Variants in GPC5 observed in about 807,000 individuals in gnomAD.
The protein encoded by GPC5 is glypican 5.
GPC5 carries 47 observed loss-of-function variants against 53.9 expected under a neutral mutation model. That is an observed-to-expected ratio of 0.87 (90% CI 0.69 to 1.11). The LOEUF (loss-of-function observed/expected upper bound fraction) is 1.11. Among genes scored for constraint, GPC5 ranks in the 50% most tolerant of loss-of-function variants. The pLI, the probability that GPC5 is intolerant of heterozygous loss-of-function variation, is 0.00. For missense variants in GPC5, 748 were observed against 713.1 expected (o/e 1.05, Z -0.56); for synonymous variants, 286 against 263.3 (o/e 1.09, Z -0.84).
chr13:92,866,344 A>G lies in GPC5; in HGVS notation c.1624A>G (p.Thr542Ala), dbSNP rs187338057. 23 of 1,613,240 alleles carry G rather than the reference A, an allele frequency of 1.4e-5. 1 individual carries two copies. The Middle Eastern group carries it at 2.3e-3, about 162-fold the overall frequency. ...KQIHQTDTGSTLDTTGAGCAV... is the reference protein window; with the variant it reads ...KQIHQTDTGSALDTTGAGCAV... ...AATCCATCAAACAGACACTGGCAGT[A>G]CTTTAGACACAACAGGAGCAGGATG... The change falls in exon 8 of 8, where the codon ACT becomes GCT. Residue 542 changes from threonine to alanine, a missense_variant. Thr to Ala is a moderately conservative substitution (Grantham distance 58, BLOSUM62 0). Coordinates refer to ENST00000377067, the MANE Select transcript of GPC5 (RefSeq NM_004466.6).
At chr13:91,820,489 C>T (rs906712963) in intron 5 of GPC5, among the ~76,000 whole-genome samples, 3 of 152,114 alleles carry the variant, frequency 2.0e-5, no homozygotes, top group African/African-American at 7.2e-5. Flanking sequence ...ACCACCATCC[C>T]ACTACTCTGC....
At chr13:92,250,092 C>G (rs2042681686) in intron 7 of GPC5, among the ~76,000 whole-genome samples, 1 of 151,956 alleles carries the variant, frequency 6.6e-6, no homozygotes, top group African/African-American at 2.4e-5. Context: ...AACTAGTAAT[C>G]AGATTATGAA....
At chr13:91,635,519 A>G (rs1566570495) in intron 2 of GPC5, among the ~76,000 whole-genome samples, 1 of 152,114 alleles carries the variant, frequency 6.6e-6, no homozygotes, top group Non-Finnish European at 1.5e-5. Context: ...TTTCATCATC[A>G]GCATTTTCCT....
At chr13:92,431,320 C>A (rs181818238) in intron 7 of GPC5, among the ~76,000 whole-genome samples, 20 of 148,828 alleles carry the variant, frequency 1.3e-4, no homozygotes, top group Admixed American at 1.2e-3. Context: ...GTAATGATTA[C>A]TACAATTAAG....
intron 1 of GPC5, among the ~76,000 whole-genome samples, chr13:91,447,756 C>A (rs1880905988): frequency 6.6e-6 from 1 of 152,114 alleles, no homozygotes; most frequent in Non-Finnish European, 1.5e-5. Context: ...AATGTGGAAC[C>A]TGTGAAACTC....
At chr13:91,630,835 GT>G (rs1248034131) in intron 2 of GPC5, among the ~76,000 whole-genome samples, 1 of 146,508 alleles carries the variant, frequency 6.8e-6, no homozygotes, top group Admixed American at 6.7e-5. Context: ...TTTTTCTTTT[GT>G]TTTTTTGTTT....
At position 92,132,094 on chromosome 13, in the gene GPC5, G is replaced by A. The variant is rs111485931; in HGVS notation, c.1402-12736G>A. On this transcript the variant is annotated intron_variant, in intron 6 of 7. Coordinates refer to ENST00000377067, the MANE Select transcript of GPC5 (RefSeq NM_004466.6). ...AATAAAATACAGCAATTAAAGAACC[G>A]TTGCTACATCTGTGATGTCACAAAT... is the stretch of plus-strand genomic sequence containing the variant. 4.2e-3 allele frequency among the ~76,000 whole-genome samples: 641 copies of A among 152,154 alleles called. 4 individuals carry two copies. Among genetic ancestry groups the A allele is most frequent in the African/African-American group, 6.1e-3 (254 of 41,508 alleles).
chr13:92,307,717 T>TCC, intron 7 of GPC5, among the ~76,000 whole-genome samples: 1 of 151,500 alleles, frequency 6.6e-6, no homozygotes, highest in Non-Finnish European at 1.5e-5. Flanking sequence ...TCCTGAAAAA[T>TCC]GAATGAGGTA....
At chr13:91,776,111 A>G (rs1024342912) in intron 5 of GPC5, among the ~76,000 whole-genome samples, 3 of 152,170 alleles carry the variant, frequency 2.0e-5, no homozygotes, top group South Asian at 2.1e-4. Flanking sequence ...TCATATATCC[A>G]TGACAGCACC....
intron 7 of GPC5, among the ~76,000 whole-genome samples, chr13:92,307,488 C>T (rs905209107): frequency 1.3e-5 from 2 of 152,150 alleles, no homozygotes; most frequent in East Asian, 1.9e-4. Flanking sequence ...GAAATTTGTT[C>T]TCCTGTAAAA....
chr13:91,443,704 C>A (rs1463615183), intron 1 of GPC5, among the ~76,000 whole-genome samples: 2 of 152,160 alleles, frequency 1.3e-5, no homozygotes, highest in Non-Finnish European at 2.9e-5. Flanking sequence ...ATGAGGAATG[C>A]CCTTTGCTAT....
intron 7 of GPC5, among the ~76,000 whole-genome samples, chr13:92,354,874 T>C (rs910920868): frequency 6.6e-6 from 1 of 152,196 alleles, no homozygotes; most frequent in Admixed American, 6.5e-5. Context: ...GGTATTCAAC[T>C]GGAGAGGAGT....
chr13:92,127,976 G>A (rs564933686), intron 6 of GPC5, among the ~76,000 whole-genome samples: 1 of 152,286 alleles, frequency 6.6e-6, no homozygotes, highest in East Asian at 1.9e-4. Context: ...CAATCCTGGA[G>A]GGACCAGGGT....
intron 6 of GPC5, among the ~76,000 whole-genome samples, chr13:92,086,653 C>CTTTTTTTT (rs1294212080): frequency 6.7e-6 from 1 of 149,434 alleles, no homozygotes. Flanking sequence ...CTCTCTCTCT[C>CTTTTTTTT]TTTTTTTTTT....
chr13:92,069,407 C>CGT (rs2041192593), intron 6 of GPC5, among the ~76,000 whole-genome samples: 1 of 110,580 alleles, frequency 9.0e-6, no homozygotes, highest in African/African-American at 3.9e-5. Context: ...TGTGTGCGTG[C>CGT]ATGTGTGTGT....
At chr13:92,384,513 A>T (rs1024367973) in intron 7 of GPC5, among the ~76,000 whole-genome samples, 1 of 152,178 alleles carries the variant, frequency 6.6e-6, no homozygotes, top group African/African-American at 2.4e-5. Context: ...TTATAGTTTT[A>T]TTCTATGATA....
chr13:92,467,115 C>A (rs970645732), intron 7 of GPC5, among the ~76,000 whole-genome samples: 1 of 152,084 alleles, frequency 6.6e-6, no homozygotes, highest in Non-Finnish European at 1.5e-5. Context: ...GATATGTGAG[C>A]AAGCCTTTCT....
At chr13:91,980,923 G>T (rs2040351671) in intron 6 of GPC5, among the ~76,000 whole-genome samples, 1 of 152,170 alleles carries the variant, frequency 6.6e-6, no homozygotes, top group Non-Finnish European at 1.5e-5. Context: ...AAGGTGTATA[G>T]TTCTAGTTTT....
chr13:91,682,514 C>T (rs941061768), intron 2 of GPC5, among the ~76,000 whole-genome samples: 14 of 152,098 alleles, frequency 9.2e-5, no homozygotes, highest in Non-Finnish European at 1.2e-4. Flanking sequence ...GAAATTTACA[C>T]GCATGGGACT....
Sources: gnomAD v4.1 joint callset for allele counts (sites outside exome capture counted in the v4.1 genomes callset) on GRCh38, gnomAD v4.1.1 for gene constraint, MANE v1.5 for transcripts, NCBI Gene and HGNC (gene_info 2026-07-23, HGNC 2026-07-21) for gene names.